MIA2: variants seen among roughly 807,000 people sequenced by gnomAD.
MIA2 encodes MIA SH3 domain ER export factor 2.
MIA2 carries 127 observed loss-of-function variants against 167.8 expected under a neutral mutation model. The ratio of observed to expected loss-of-function variants is 0.76; its 90% confidence interval spans 0.66 to 0.88. MIA2 has a LOEUF of 0.88. MIA2 is among the 40% of genes least tolerant of loss of function. The pLI is 0.00. For synonymous variants in MIA2, 552 were observed against 541.9 expected, an observed-to-expected ratio of 1.02 and a Z score of -0.26; for missense variants, 1,690 against 1,624.7, an observed-to-expected ratio of 1.04 and a Z score of -0.69.
At chr14:39,243,810 G>A (rs1024501327) in intron 3 of MIA2, among the ~76,000 whole-genome samples, 4 of 152,194 alleles carry the variant, frequency 2.6e-5, no homozygotes, top group African/African-American at 9.6e-5. Flanking sequence ...AGGTTGCAGT[G>A]AGTGGAGATC....
intron 3 of MIA2, among the ~76,000 whole-genome samples, chr14:39,244,415 G>A (rs936029009): frequency 2.0e-5 from 3 of 152,176 alleles, no homozygotes; most frequent in African/African-American, 7.2e-5. Context: ...GGAGATTGAG[G>A]CATAGAAAGA....
intron 6 of MIA2, among the ~76,000 whole-genome samples, chr14:39,258,254 C>T (rs1378466618): frequency 6.6e-6 from 1 of 152,132 alleles, no homozygotes; most frequent in Non-Finnish European, 1.5e-5. Context: ...TTCAAATAGT[C>T]CCATATTTCT....
chr14:39,352,118 TTTC>T (rs554082221), downstream of MIA2, among the ~76,000 whole-genome samples: 17 of 152,118 alleles, frequency 1.1e-4, no homozygotes, highest in African/African-American at 3.1e-4. Flanking sequence ...TCCGATGAAT[TTTC>T]TTCTTCTTTT....
chr14:39,254,157 A>T (rs1489082525), intron 6 of MIA2, among the ~76,000 whole-genome samples: 1 of 152,172 alleles, frequency 6.6e-6, no homozygotes, highest in Non-Finnish European at 1.5e-5. Flanking sequence ...AGAGAAGATC[A>T]TATTTGAGCT....
intron 23 of MIA2, among the ~76,000 whole-genome samples, chr14:39,382,857 CTATT>C (rs1375829066): frequency 5.4e-5 from 8 of 149,282 alleles, no homozygotes; most frequent in Admixed American, 1.3e-4. Flanking sequence ...ATTTGAAATA[CTATT>C]TATTATTTAT....
At chr14:39,362,787 C>G (rs912002510) in intron 23 of MIA2, among the ~76,000 whole-genome samples, 3 of 151,998 alleles carry the variant, frequency 2.0e-5, no homozygotes, top group Non-Finnish European at 4.4e-5. Flanking sequence ...GTGAAATTTT[C>G]CTACTACTTT....
At chr14:39,245,093 T>TTTTTTTTTAA (rs2054236757) in intron 3 of MIA2, among the ~76,000 whole-genome samples, 1 of 150,602 alleles carries the variant, frequency 6.6e-6, no homozygotes, top group Non-Finnish European at 1.5e-5. Flanking sequence ...TTTTTTTTTT[T>TTTTTTTTTAA]AAAGACAGGA....
chr14:39,377,410 C>G (rs913882717), intron 23 of MIA2, among the ~76,000 whole-genome samples: 2 of 151,634 alleles, frequency 1.3e-5, no homozygotes, highest in African/African-American at 2.4e-5. Context: ...AAAAGCAAAG[C>G]TTAATTTTTA....
rs772468582 is a variant in MIA2, at chr14:39,247,289, T to G, written c.715T>G (p.Phe239Val). Residue 239 changes from phenylalanine to valine, a missense_variant, in exon 4 of 29, where the codon TTT becomes GTT. Coordinates refer to ENST00000640607, the MANE Select transcript of MIA2 (RefSeq NM_001329214.4). ...AGGAGAACAAGCTGAAGAGAAGGCT[T>G]TTGAATCAGTTATTGAACCTGTACA... ...LGGEQAEEKA[F>V]ESVIEPVQES... 3.7e-6 allele frequency: 6 copies of G among 1,613,758 alleles called. No individual in the cohort carries two copies. Among genetic ancestry groups the G allele is most frequent in the Non-Finnish European group, 1.7e-6 (2 of 1,179,950 alleles).
chr14:39,275,266 T>C (rs1477108273), intron 6 of MIA2, among the ~76,000 whole-genome samples: 1 of 151,406 alleles, frequency 6.6e-6, no homozygotes, highest in Admixed American at 6.6e-5. Flanking sequence ...TCAGCCTTTC[T>C]AGTAGCTGGA....
At chr14:39,346,631 G>T (rs1229221688) in intron 26 of MIA2, among the ~76,000 whole-genome samples, 1 of 149,250 alleles carries the variant, frequency 6.7e-6, no homozygotes, top group African/African-American at 2.4e-5. Context: ...TTGGTAAAAG[G>T]TTTCCTCAGG....
chr14:39,267,284 G>C, intron 6 of MIA2: 2 of 1,453,412 alleles, frequency 1.4e-6, no homozygotes, highest in Non-Finnish European at 1.8e-6. Flanking sequence ...GTAGGCCTGT[G>C]AGGCCTGCGG....
rs562725199 is a variant in MIA2, at chr14:39,314,002, T to C, written c.3119+561T>C. 1.3e-3 allele frequency among the ~76,000 whole-genome samples: 202 copies of C among 152,322 alleles called. 2 individuals are homozygous for C. Among genetic ancestry groups the C allele is most frequent in the African/African-American group, 4.7e-3 (196 of 41,582 alleles). On this transcript the variant is annotated intron_variant, in intron 19 of 28. Transcript: ENST00000640607. The stretch of plus-strand genomic sequence containing the variant: ...TCAGAAAGAGCAAGCTTGCTTTTTA[T>C]CCAAAATAAGTTATCTTGTTAATCT...
chr14:39,245,568 GTTGTGC>G (rs1409240014), intron 3 of MIA2, among the ~76,000 whole-genome samples: 2 of 152,258 alleles, frequency 1.3e-5, no homozygotes, highest in Non-Finnish European at 2.9e-5. Context: ...CTTAGTCAAT[GTTGTGC>G]TGCTATAACA....
rs779324300 is a variant in MIA2, at chr14:39,295,069, A to G, written c.2496+40A>G. The G allele has an allele frequency of 3.8e-6, 5 of 1,324,302 alleles. No individual in the cohort carries two copies. In the South Asian group the frequency reaches 4.7e-5, roughly 12 times the overall value. The allele number at this position is 1,324,302 out of a possible 1,614,324, so 82.0% of individuals were successfully genotyped here. A position where few individuals can be genotyped will look rare whatever the true frequency, so the allele number is the denominator to read the frequency against. On this transcript the variant is annotated intron_variant, in intron 13 of 28. Coordinates refer to ENST00000640607, the MANE Select transcript of MIA2 (RefSeq NM_001329214.4). ...GGGACTCTTCAACTTGTGAATATGT[A>G]ATTATAGATGTTCTTGTCATCCTCA...
intron 25 of MIA2, among the ~76,000 whole-genome samples, chr14:39,334,691 C>T (rs375040254): frequency 7.7e-4 from 117 of 151,872 alleles, no homozygotes; most frequent in African/African-American, 2.7e-3. Context: ...CTCATCCTCC[C>T]GAGTACCCGG....
intron 18 of MIA2, among the ~76,000 whole-genome samples, chr14:39,309,805 G>A (rs956498430): frequency 6.6e-6 from 1 of 152,158 alleles, no homozygotes; most frequent in Non-Finnish European, 1.5e-5. Context: ...TTGAATATAT[G>A]TACAAATATG....
intron 18 of MIA2, 114 bp from the exon 19 acceptor site, chr14:39,313,226 G>A (rs1278282893): frequency 4.0e-6 from 2 of 501,094 alleles, no homozygotes; most frequent in Admixed American, 3.7e-5. Context: ...GATGTTTTCA[G>A]TGGTATTTTA....
chr14:39,278,930 G>A (rs955946837), intron 7 of MIA2, among the ~76,000 whole-genome samples: 6 of 152,166 alleles, frequency 3.9e-5, no homozygotes, highest in Non-Finnish European at 8.8e-5. Flanking sequence ...GGGGACCCAG[G>A]CAGGTGGATC....
Sources: allele counts gnomAD v4.1 joint callset (sites outside exome capture counted in the v4.1 genomes callset), GRCh38; gene constraint gnomAD v4.1.1; transcripts MANE v1.5; gene names NCBI Gene and HGNC (gene_info 2026-07-23, HGNC 2026-07-21).